SIPA1L1: variants seen among roughly 807,000 people sequenced by gnomAD.
SIPA1L1 encodes signal-induced proliferation-associated 1-like protein 1.
A neutral mutation model predicts 162.7 loss-of-function variants in SIPA1L1; 26 were observed. The observed-to-expected ratio is 0.16, with a 90% CI of 0.12 to 0.22. The LOEUF (loss-of-function observed/expected upper bound fraction) is 0.22. Among genes scored for constraint, SIPA1L1 ranks in the 10% least tolerant of loss-of-function variants. The probability of loss-of-function intolerance (pLI) is 1.00; values close to 1 mark genes in which losing one functional copy is unlikely to be tolerated. For synonymous variants in SIPA1L1, 829 were observed against 837.4 expected, an observed-to-expected ratio of 0.99 and a Z score of 0.17; for missense variants, 1,874 against 2,241.0, an observed-to-expected ratio of 0.84 and a Z score of 3.31.
chr14:71,725,220 A>G (rs1441517581), intron 19 of SIPA1L1, among the ~76,000 whole-genome samples: 1 of 152,222 alleles, frequency 6.6e-6, no homozygotes, highest in Non-Finnish European at 1.5e-5. Context: ...TCTTCTGTCC[A>G]GAGGGTCCTC....
At position 71,532,350 on chromosome 14, in the gene SIPA1L1, T is replaced by G. The variant is rs568030195; in HGVS notation, c.-303+2980T>G. Among the ~76,000 whole-genome samples, 8 of 152,214 alleles carry G rather than the reference T, an allele frequency of 5.3e-5. No homozygotes were observed. The South Asian group carries it at 6.2e-4, about 12-fold the overall frequency. ...TGTTTGTTTCTTGTGGAATGGAGTC[T>G]TCTTCTTTCTTATATATGAAAGGAC... is the stretch of plus-strand genomic sequence containing the variant. On this transcript the variant is annotated intron_variant, in intron 4 of 23. Coordinates refer to ENST00000381232, the MANE Select transcript of SIPA1L1 (RefSeq NM_001386936.1).
intron 5 of SIPA1L1, among the ~76,000 whole-genome samples, chr14:71,596,938 T>C (rs2036107672): frequency 6.6e-6 from 1 of 152,162 alleles, no homozygotes; most frequent in East Asian, 1.9e-4. Context: ...GTGAATTTTA[T>C]TTTTAGCAGT....
chr14:71,637,121 A>T (rs896330091), intron 7 of SIPA1L1, among the ~76,000 whole-genome samples: 4 of 150,132 alleles, frequency 2.7e-5, no homozygotes, highest in African/African-American at 9.8e-5. Context: ...TAAAACCCAG[A>T]TCCTGTGTGT....
intron 2 of SIPA1L1, among the ~76,000 whole-genome samples, chr14:71,491,254 ACT>A (rs1216133231): frequency 1.3e-5 from 2 of 151,598 alleles, no homozygotes; most frequent in African/African-American, 2.4e-5. Flanking sequence ...GCTCTTGGAA[ACT>A]CTGAGCTATC....
chr14:71,468,044 G>GTGTC (rs1174289562), intron 2 of SIPA1L1, among the ~76,000 whole-genome samples: 27 of 145,586 alleles, frequency 1.9e-4, no homozygotes, highest in Admixed American at 5.5e-4. Flanking sequence ...GTGTGTGTGT[G>GTGTC]TGTCTGTCTG....
chr14:71,730,348 T>TCAGTGTCCC, intron 20 of SIPA1L1, 47 bp downstream of exon 20: 1 of 1,603,632 alleles, frequency 6.2e-7, no homozygotes, highest in East Asian at 2.2e-5. Context: ...TTGATGATGG[T>TCAGTGTCCC]CAGTGTCCCC....
At chr14:71,664,245 TC>T (rs975102394) in intron 10 of SIPA1L1, among the ~76,000 whole-genome samples, 1 of 152,144 alleles carries the variant, frequency 6.6e-6, no homozygotes, top group African/African-American at 2.4e-5. Flanking sequence ...CCCCAGCCAC[TC>T]CCCGAACTAC....
chr14:71,643,833 A>G (rs1001186141), intron 7 of SIPA1L1, among the ~76,000 whole-genome samples: 9 of 152,264 alleles, frequency 5.9e-5, no homozygotes, highest in Non-Finnish European at 1.2e-4. Flanking sequence ...TTTGAAATGG[A>G]GTCTCACTCT....
At chr14:71,522,298 G>A (rs1204394821) in intron 3 of SIPA1L1, among the ~76,000 whole-genome samples, 1 of 152,014 alleles carries the variant, frequency 6.6e-6, no homozygotes, top group African/African-American at 2.4e-5. Context: ...TATGTCTCTT[G>A]GTATTGATTT....
At chr14:71,370,410 A>T (rs899580272) in intron 2 of SIPA1L1, among the ~76,000 whole-genome samples, 1 of 152,066 alleles carries the variant, frequency 6.6e-6, no homozygotes. Context: ...TTCTGCATCT[A>T]TTGAGATAAT....
At chr14:71,468,796 G>A (rs34347034) in intron 2 of SIPA1L1, among the ~76,000 whole-genome samples, 24,846 of 152,176 alleles carry the variant, frequency 0.16, 2,635 homozygotes, top group Middle Eastern at 0.35. Flanking sequence ...TCATCTTGGA[G>A]GACAGGAGCT....
intron 2 of SIPA1L1, among the ~76,000 whole-genome samples, chr14:71,505,238 C>T (rs2050563667): frequency 6.6e-6 from 1 of 152,160 alleles, no homozygotes; most frequent in Non-Finnish European, 1.5e-5. Flanking sequence ...TTCCCCACCT[C>T]ATTTATTTAA....
chr14:71,590,044 A>AATATATATAT (rs58833289), intron 5 of SIPA1L1, among the ~76,000 whole-genome samples: 123 of 59,538 alleles, frequency 2.1e-3, no homozygotes, highest in Non-Finnish European at 2.5e-3. Flanking sequence ...AAAAAAAAAA[A>AATATATATAT]ATATATATAT....
chr14:71,734,722 T>TACACTGAAA (rs1291379658), intron 21 of SIPA1L1, among the ~76,000 whole-genome samples: 26 of 152,200 alleles, frequency 1.7e-4, no homozygotes, highest in Non-Finnish European at 2.9e-5. Flanking sequence ...TTTCAGTGTG[T>TACACTGAAA]TGGTTAATCT....
chr14:71,732,397 C>G (rs550767300), intron 20 of SIPA1L1, among the ~76,000 whole-genome samples: 1 of 152,182 alleles, frequency 6.6e-6, no homozygotes, highest in Admixed American at 6.5e-5. Context: ...TGTGCTCTGC[C>G]CTGGCTTCCA....
chr14:71,475,021 C>G (rs1157217304), intron 2 of SIPA1L1, among the ~76,000 whole-genome samples: 1 of 152,128 alleles, frequency 6.6e-6, no homozygotes, highest in Non-Finnish European at 1.5e-5. Flanking sequence ...GAAATAATAG[C>G]ATCTTAGGCA....
chr14:71,376,571 T>A (rs969111377), intron 2 of SIPA1L1, among the ~76,000 whole-genome samples: 7 of 152,096 alleles, frequency 4.6e-5, no homozygotes, highest in Non-Finnish European at 7.4e-5. Flanking sequence ...TTTATTTATT[T>A]TTTTTTAGTA....
At chr14:71,424,573 G>A (rs1041330918) in intron 2 of SIPA1L1, among the ~76,000 whole-genome samples, 8 of 151,962 alleles carry the variant, frequency 5.3e-5, no homozygotes, top group African/African-American at 1.9e-4. Flanking sequence ...TTAATGTGGT[G>A]TATGATCTTT....
chr14:71,558,305 T>A (rs2056511707), intron 4 of SIPA1L1, among the ~76,000 whole-genome samples: 1 of 152,140 alleles, frequency 6.6e-6, no homozygotes, highest in South Asian at 2.1e-4. Context: ...TTGTATGAGA[T>A]GTTTGGTGAT....
Sources: gnomAD v4.1 joint callset for allele counts (sites outside exome capture counted in the v4.1 genomes callset) on GRCh38, gnomAD v4.1.1 for gene constraint, MANE v1.5 for transcripts, NCBI Gene and HGNC (gene_info 2026-07-23, HGNC 2026-07-21) for gene names.